BBS9: variants seen among roughly 807,000 people sequenced by gnomAD.
The protein encoded by BBS9 is protein PTHB1.
In BBS9, 89 loss-of-function variants were observed where a neutral mutation model predicts 117.7. The ratio of observed to expected loss-of-function variants is 0.76; its 90% CI spans 0.64 to 0.90. The LOEUF is 0.90. BBS9 is among the 40% of genes least tolerant of loss of function. The pLI, the probability that BBS9 is intolerant of heterozygous loss-of-function variation, is 0.00. For missense variants in BBS9, 982 were observed against 1,042.2 expected (o/e 0.94, Z 0.80); for synonymous variants, 379 against 370.9 (o/e 1.02, Z -0.25).
At chr7:33,633,149 A>C (rs1865973608) in intron 21 of BBS9, among the ~76,000 whole-genome samples, 1 of 152,146 alleles carries the variant, frequency 6.6e-6, no homozygotes, top group Non-Finnish European at 1.5e-5. Context: ...TGCCCGAAGC[A>C]TTGTCCTCAC....
intron 20 of BBS9, among the ~76,000 whole-genome samples, chr7:33,507,898 G>A (rs1004763919): frequency 2.0e-5 from 3 of 152,164 alleles, no homozygotes; most frequent in African/African-American, 4.8e-5. Flanking sequence ...TCCTTCTGCA[G>A]CATCTCTCCT....
intron 20 of BBS9, among the ~76,000 whole-genome samples, chr7:33,520,765 G>A (rs781282092): frequency 2.0e-5 from 3 of 152,292 alleles, no homozygotes; most frequent in African/African-American, 4.8e-5. Flanking sequence ...CAGAGGAAAA[G>A]GCAGCCTTAA....
chr7:33,474,991 C>T (rs959821713), intron 19 of BBS9, among the ~76,000 whole-genome samples: 2 of 152,130 alleles, frequency 1.3e-5, no homozygotes, highest in Non-Finnish European at 2.9e-5. Context: ...ATCTTCATGT[C>T]CAGCAACATT....
Position 33,459,537 on chromosome 7 carries a change from G to A in BBS9, c.2116-45926G>A, listed in dbSNP as rs74717766. ...AATTAAAAGGCATTTAAAAGAAGTG[G>A]CCCGTCTCTACAAATTCATAGCCAG... On this transcript the variant is annotated intron_variant, in intron 19 of 22. Transcript: ENST00000242067. 2.0e-3 allele frequency among the ~76,000 whole-genome samples: 305 copies of A among 152,050 alleles called. 6 individuals are homozygous for A. In the South Asian group the frequency reaches 0.039, roughly 19 times the overall value.
Position 33,632,306 on chromosome 7 carries a change from G to A in BBS9, c.2522-2871G>A, listed in dbSNP as rs529123686. Reference sequence around the variant, plus strand: ...CCCTGAGAAATGTTCACTCTTCAATGTTCCACCGACCCTATGGTGGGGGGA... The same window carrying A: ...CCCTGAGAAATGTTCACTCTTCAATATTCCACCGACCCTATGGTGGGGGGA... On this transcript the variant is annotated intron_variant, in intron 21 of 21. Transcript: ENST00000671952. Among the ~76,000 whole-genome samples, 4 of 152,320 alleles carry A rather than the reference G, an allele frequency of 2.6e-5. No homozygotes were observed. The South Asian group carries it at 8.3e-4, about 32-fold the overall frequency.
At chr7:33,485,396 G>A (rs1252746808) in intron 19 of BBS9, among the ~76,000 whole-genome samples, 4 of 144,412 alleles carry the variant, frequency 2.8e-5, no homozygotes, top group African/African-American at 7.7e-5. Context: ...TGCAAGCTCC[G>A]CCTCCCGGGT....
At chr7:33,374,586 AG>A (rs1391957895) in intron 17 of BBS9, among the ~76,000 whole-genome samples, 2 of 152,154 alleles carry the variant, frequency 1.3e-5, no homozygotes, top group Non-Finnish European at 2.9e-5. Context: ...AATATTGAAG[AG>A]GTTGTATATT....
At chr7:33,578,338 C>T (rs747114863) in intron 21 of BBS9, among the ~76,000 whole-genome samples, 9 of 152,170 alleles carry the variant, frequency 5.9e-5, no homozygotes, top group Non-Finnish European at 1.2e-4. Flanking sequence ...GACTCCAATG[C>T]TTGTTCTTCC....
intron 9 of BBS9, among the ~76,000 whole-genome samples, chr7:33,275,761 T>C (rs532491617): frequency 3.9e-5 from 6 of 152,336 alleles, no homozygotes; most frequent in Non-Finnish European, 2.9e-5. Flanking sequence ...ATGTACCCAT[T>C]TCAGGAGTCA....
chr7:33,469,025 CT>C (rs1348628830), intron 19 of BBS9, among the ~76,000 whole-genome samples: 1 of 151,076 alleles, frequency 6.6e-6, no homozygotes, highest in Non-Finnish European at 1.5e-5. Flanking sequence ...TGAGAGACTA[CT>C]TTTTTGAGAA....
chr7:33,480,729 T>C (rs1842416431), intron 19 of BBS9, among the ~76,000 whole-genome samples: 2 of 152,218 alleles, frequency 1.3e-5, no homozygotes, highest in Admixed American at 1.3e-4. Context: ...TAGCAATATA[T>C]GTTGAATGAA....
At chr7:33,545,062 G>A (rs374017460) in intron 21 of BBS9, among the ~76,000 whole-genome samples, 57 of 152,192 alleles carry the variant, frequency 3.7e-4, no homozygotes, top group African/African-American at 1.2e-3. Context: ...CAACAGCCCC[G>A]ACTCTGTTTC....
intron 21 of BBS9, among the ~76,000 whole-genome samples, chr7:33,540,090 CT>C (rs771668110): frequency 5.9e-5 from 9 of 152,334 alleles, no homozygotes; most frequent in Non-Finnish European, 1.3e-4. Flanking sequence ...GATCCACCCT[CT>C]TCCCCTCAAT....
intron 19 of BBS9, among the ~76,000 whole-genome samples, chr7:33,444,421 C>G (rs1048954471): frequency 1.3e-5 from 2 of 152,120 alleles, no homozygotes; most frequent in African/African-American, 4.8e-5. Flanking sequence ...TGGTTAACTA[C>G]TGTATTAAGC....
chr7:33,559,101 A>G (rs563574751), intron 21 of BBS9, among the ~76,000 whole-genome samples: 1 of 152,188 alleles, frequency 6.6e-6, no homozygotes, highest in East Asian at 1.9e-4. Flanking sequence ...TAGATGATTC[A>G]TAATGGTGCT....
chr7:33,459,763 G>A (rs1839186562), intron 19 of BBS9, among the ~76,000 whole-genome samples: 1 of 152,046 alleles, frequency 6.6e-6, no homozygotes, highest in African/African-American at 2.4e-5. Flanking sequence ...CTGGGCATTA[G>A]GTGTGCTTAT....
At chr7:33,223,026 A>G (rs2128241633) in intron 5 of BBS9, among the ~76,000 whole-genome samples, 1 of 151,976 alleles carries the variant, frequency 6.6e-6, no homozygotes, top group East Asian at 1.9e-4. Flanking sequence ...GGTTTATATA[A>G]GGTTCTGGCC....
At chr7:33,404,378 A>T (rs1829534028) in intron 19 of BBS9, among the ~76,000 whole-genome samples, 1 of 152,140 alleles carries the variant, frequency 6.6e-6, no homozygotes, top group Non-Finnish European at 1.5e-5. Flanking sequence ...CAATTCTGTG[A>T]AGAAAGTCAT....
In BBS9 at chr7:33,418,632, A is replaced by G. The variant is rs182428422; in HGVS notation, c.2115+30488A>G. The stretch of plus-strand genomic sequence containing the variant: ...GCTCCCTAGGTCGCTGGAGACAGGA[A>G]TGCTGTGGTGGCTTCACCCCCATGG... On this transcript the variant is annotated intron_variant, in intron 19 of 22. Transcript: ENST00000242067. Among the ~76,000 whole-genome samples, 23 of 152,336 alleles carry G rather than the reference A, an allele frequency of 1.5e-4. No homozygotes were observed. The South Asian group carries it at 1.7e-3, about 11-fold the overall frequency.
Sources: gnomAD v4.1 joint callset for allele counts (sites outside exome capture counted in the v4.1 genomes callset) on GRCh38, gnomAD v4.1.1 for gene constraint, MANE v1.5 for transcripts, NCBI Gene and HGNC (gene_info 2026-07-23, HGNC 2026-07-21) for gene names.